Variants in THSD4 observed in about 807,000 individuals in gnomAD.
THSD4 encodes the protein thrombospondin type 1 domain containing 4.
In THSD4, 69 loss-of-function variants were observed where a neutral mutation model predicts 119.0. That is an observed-to-expected ratio of 0.58 (90% CI 0.48 to 0.71). The LOEUF is 0.71. THSD4 is among the 30% of genes least tolerant of loss of function. The probability of loss-of-function intolerance (pLI) is 0.00; values close to 1 mark genes in which losing one functional copy is unlikely to be tolerated. For missense variants in THSD4, 1,393 were observed against 1,391.1 expected (o/e 1.00, Z -0.02); for synonymous variants, 524 against 540.4 (o/e 0.97, Z 0.42).
At chr15:71,172,714 T>TATATATATATATATATATGTGAC (rs2043390812) in intron 3 of THSD4, among the ~76,000 whole-genome samples, 1 of 116,750 alleles carries the variant, frequency 8.6e-6, no homozygotes, top group Non-Finnish European at 1.7e-5. Flanking sequence ...TATATATATA[T>TATATATATATATATATATGTGAC]ATATATATAT....
intron 6 of THSD4, among the ~76,000 whole-genome samples, chr15:71,305,384 T>C (rs1359769455): frequency 6.6e-6 from 1 of 152,126 alleles, no homozygotes; most frequent in Non-Finnish European, 1.5e-5. Context: ...GGGTGAGCTG[T>C]CTTCCCAAGA....
intron 14 of THSD4, among the ~76,000 whole-genome samples, chr15:71,756,166 G>C (rs1301339102): frequency 2.6e-5 from 4 of 152,176 alleles, no homozygotes; most frequent in Non-Finnish European, 5.9e-5. Context: ...ACACCTGGCA[G>C]CCCAATGCAT....
chr15:71,724,287 A>ATATATATATATATATATAT, intron 8 of THSD4, among the ~76,000 whole-genome samples: 31 of 37,260 alleles, frequency 8.3e-4, no homozygotes, highest in Non-Finnish European at 7.9e-4. Context: ...ATATATATAT[A>ATATATATATATATATATAT]TTTTTTTTTT....
At chr15:71,679,923 A>C (rs1279198636) in intron 8 of THSD4, among the ~76,000 whole-genome samples, 1 of 152,164 alleles carries the variant, frequency 6.6e-6, no homozygotes, top group African/African-American at 2.4e-5. Flanking sequence ...CCAAACAGTA[A>C]ATTTGACCGT....
chr15:71,532,729 A>G (rs1322704199), intron 7 of THSD4, among the ~76,000 whole-genome samples: 1 of 152,226 alleles, frequency 6.6e-6, no homozygotes, highest in Non-Finnish European at 1.5e-5. Flanking sequence ...CTCTTAAAAC[A>G]TGCAAAGCCA....
In THSD4 at chr15:71,600,742, TTC is replaced by T. The variant is rs1567056654; in HGVS notation, c.1153-59786_1153-59785del. On this transcript the variant is annotated intron_variant, in intron 7 of 17. Transcript: ENST00000261862. ...TTATCATGCCTGTCTTTTTTTTTCT[TTC>T]TTTCTTTTTTTTTTTGAGACAGAGT... Among the ~76,000 whole-genome samples the T allele has an allele frequency of 5.0e-3, 704 of 139,424 alleles. 7 individuals are homozygous for T. The highest frequency in any genetic ancestry group is 0.017 in the African/African-American group (653 of 38,572). 91.5% of individuals were successfully genotyped at this position (139,424 alleles called of 152,430 possible). A position where few individuals can be genotyped will look rare whatever the true frequency, so the allele number is the denominator to read the frequency against.
chr15:71,297,753 T>C (rs141325496), intron 6 of THSD4, among the ~76,000 whole-genome samples: 1 of 152,334 alleles, frequency 6.6e-6, no homozygotes, highest in African/African-American at 2.4e-5. Flanking sequence ...GGACTACAGC[T>C]GCACACGACT....
intron 3 of THSD4, among the ~76,000 whole-genome samples, chr15:71,203,203 G>GTTTCC (rs1567156179): frequency 2.6e-5 from 4 of 152,194 alleles, no homozygotes; most frequent in Non-Finnish European, 5.9e-5. Context: ...TAGGGGGACA[G>GTTTCC]AGATGGAGTT....
intron 7 of THSD4, among the ~76,000 whole-genome samples, chr15:71,447,118 G>GTGTT (rs1555414737): frequency 2.6e-5 from 2 of 76,084 alleles, no homozygotes; most frequent in East Asian, 3.5e-4. Flanking sequence ...CATTTTTTTT[G>GTGTT]TTTTTTTTTT....
At chr15:71,223,163 G>A (rs1380677070) in intron 4 of THSD4, among the ~76,000 whole-genome samples, 1 of 152,142 alleles carries the variant, frequency 6.6e-6, no homozygotes, top group Non-Finnish European at 1.5e-5. Flanking sequence ...CAGATGCGTG[G>A]TGTTCTCATT....
At chr15:71,586,261 A>C (rs576998358) in intron 7 of THSD4, among the ~76,000 whole-genome samples, 1 of 152,214 alleles carries the variant, frequency 6.6e-6, no homozygotes, top group Non-Finnish European at 1.5e-5. Context: ...ATATTCTACT[A>C]TCTTGCTGAT....
At chr15:71,706,264 C>T (rs1184888766) in intron 8 of THSD4, among the ~76,000 whole-genome samples, 1 of 152,094 alleles carries the variant, frequency 6.6e-6, no homozygotes, top group South Asian at 2.1e-4. Context: ...TGATTCGCTG[C>T]TAGGGGTAAA....
At position 71,127,217 on chromosome 15, in the gene THSD4, G is replaced by A. The variant is rs1490833967; in HGVS notation, c.-80+11519G>A. Reference sequence around the variant, plus strand: ...CCTGGCTTATTTCATTTAGCTTAATGTCCTGCAGGTTCATCCATGTTGTAG... The same window carrying A: ...CCTGGCTTATTTCATTTAGCTTAATATCCTGCAGGTTCATCCATGTTGTAG... On this transcript the variant is annotated intron_variant, in intron 1 of 17. Coordinates refer to ENST00000261862, the MANE Select transcript of THSD4 (RefSeq NM_024817.3). Among the ~76,000 whole-genome samples, 3 of 152,292 alleles carry A rather than the reference G, an allele frequency of 2.0e-5. No individual in the cohort carries two copies. The East Asian group carries it at 5.8e-4, about 29-fold the overall frequency.
At chr15:71,132,930 G>T (rs1309717340) in intron 1 of THSD4, among the ~76,000 whole-genome samples, 1 of 152,234 alleles carries the variant, frequency 6.6e-6, no homozygotes, top group East Asian at 1.9e-4. Flanking sequence ...GCCCCCAGCT[G>T]CCTTTTCCTC....
chr15:71,209,244 G>A (rs1166189998), intron 3 of THSD4, among the ~76,000 whole-genome samples: 2 of 152,156 alleles, frequency 1.3e-5, no homozygotes, highest in African/African-American at 4.8e-5. Flanking sequence ...CATGTTAGAT[G>A]CCTTACCTAG....
intron 3 of THSD4, chr15:71,164,634 A>G (rs1200353493): frequency 2.2e-6 from 3 of 1,383,362 alleles, no homozygotes; most frequent in Admixed American, 4.6e-5. Flanking sequence ...TAACTATACA[A>G]AAAAAGACAC....
chr15:71,661,540 C>T lies in THSD4; in HGVS notation c.1357+806C>T, dbSNP rs188060510. Among the ~76,000 whole-genome samples the T allele has an allele frequency of 1.1e-3, 162 of 151,926 alleles. 1 individual carries two copies. Among genetic ancestry groups the T allele is most frequent in the African/African-American group, 3.3e-3 (136 of 41,408 alleles). Reference sequence around the variant, plus strand: ...CCTCCCGAGTAGCTGGGACCACAGGCGTGCACCAACACACCCAGTTAATTT... The same window carrying T: ...CCTCCCGAGTAGCTGGGACCACAGGTGTGCACCAACACACCCAGTTAATTT... On this transcript the variant is annotated intron_variant, in intron 8 of 17. Coordinates refer to ENST00000261862, the MANE Select transcript of THSD4 (RefSeq NM_024817.3).
At chr15:71,750,670 C>G (rs1187789153) in intron 14 of THSD4, among the ~76,000 whole-genome samples, 1 of 152,220 alleles carries the variant, frequency 6.6e-6, no homozygotes, top group Non-Finnish European at 1.5e-5. Context: ...AGATGAGCAT[C>G]TGACTGTGCC....
At chr15:71,225,186 ATTC>A (rs1373681486) in intron 4 of THSD4, among the ~76,000 whole-genome samples, 2 of 152,216 alleles carry the variant, frequency 1.3e-5, no homozygotes, top group Middle Eastern at 3.2e-3. Context: ...ACCCTTAAGC[ATTC>A]TTCTTTAGAA....
Sources: allele counts gnomAD v4.1 joint callset (sites outside exome capture counted in the v4.1 genomes callset), GRCh38; gene constraint gnomAD v4.1.1; transcripts MANE v1.5; gene names NCBI Gene and HGNC (gene_info 2026-07-23, HGNC 2026-07-21).